The following SPNS3 variants were observed in gnomAD, a reference collection of about 807,000 sequenced individuals.
SPNS3 encodes the protein protein spinster homolog 3.
SPNS3 carries 51 observed loss-of-function variants against 54.4 expected under a neutral mutation model. That is an observed-to-expected ratio of 0.94 (90% CI 0.75 to 1.18). The LOEUF (loss-of-function observed/expected upper bound fraction) is 1.18, where lower values mean the gene tolerates loss of function less well. Ranked by LOEUF, SPNS3 falls within the 50% of genes most tolerant of loss-of-function variation. The pLI, the probability that SPNS3 is intolerant of heterozygous loss-of-function variation, is 0.00. For synonymous variants in SPNS3, 309 were observed against 294.7 expected, an observed-to-expected ratio of 1.05 and a Z score of -0.50; for missense variants, 669 against 677.4, an observed-to-expected ratio of 0.99 and a Z score of 0.14.
At chr17:4,448,120 G>T (rs767976105) in intron 5 of SPNS3, 35 bp from the exon 6 acceptor site, 7 of 1,543,344 alleles carry the variant, frequency 4.5e-6, no homozygotes, top group Non-Finnish European at 6.1e-6. Context: ...GTGATAATAT[G>T]CGGCCCTGAG....
chr17:4,453,443 C>G (rs1971223142), intron 8 of SPNS3, among the ~76,000 whole-genome samples: 1 of 152,126 alleles, frequency 6.6e-6, no homozygotes, highest in Non-Finnish European at 1.5e-5. Flanking sequence ...ATGGTGAAAC[C>G]CTGTCTCTAC....
chr17:4,469,827 A>G (rs1295236055), intron 8 of SPNS3, among the ~76,000 whole-genome samples: 2 of 152,116 alleles, frequency 1.3e-5, no homozygotes. Context: ...GGTGGGACCA[A>G]CAATTCACTG....
intron 2 of SPNS3, among the ~76,000 whole-genome samples, chr17:4,444,253 C>T (rs995618584): frequency 4.6e-5 from 7 of 150,746 alleles, no homozygotes; most frequent in African/African-American, 1.7e-4. Context: ...CTTGCTCTGT[C>T]GCCCAGGCTG....
In SPNS3 at chr17:4,470,984, G is replaced by A. The variant is rs182752728; in HGVS notation, c.1114-7588G>A. Reference sequence around the variant, plus strand: ...TTGTTGCCCAGGCTGGAGTGGGATGGCACGAACTCGGATCACCACAACCTC... The same window carrying A: ...TTGTTGCCCAGGCTGGAGTGGGATGACACGAACTCGGATCACCACAACCTC... On this transcript the variant is annotated intron_variant, in intron 8 of 11. Transcript: ENST00000355530. Among the ~76,000 whole-genome samples the A allele has an allele frequency of 9.3e-4, 141 of 152,238 alleles. 1 individual carries two copies. The highest frequency in any genetic ancestry group is 1.6e-3 in the Non-Finnish European group (110 of 68,012).
At chr17:4,437,527 C>T (rs548020991) in intron 1 of SPNS3, among the ~76,000 whole-genome samples, 27 of 151,714 alleles carry the variant, frequency 1.8e-4, no homozygotes, top group Admixed American at 1.4e-3. Flanking sequence ...ATTAGCCAGG[C>T]GTGATGGCGG....
Position 4,478,640 on chromosome 17 carries a change from A to G in SPNS3, c.1179+3A>G. ...CAGTGGTTGCCGACATCCTGCTGGT[A>G]GGTGTGGGAGTCGGGGTGGTGGGCT... On this transcript the variant is annotated splice_donor_region_variant and intron_variant, in intron 9 of 11. Transcript: ENST00000355530. 1 of 1,584,364 alleles carries G rather than the reference A, an allele frequency of 6.3e-7. No homozygotes were observed. Among genetic ancestry groups the G allele is most frequent in the Non-Finnish European group, 8.6e-7 (1 of 1,165,094 alleles).
At chr17:4,458,572 TCTTTCTTCCTTCCCTC>T (rs1315310809) in intron 8 of SPNS3, among the ~76,000 whole-genome samples, 5,633 of 87,808 alleles carry the variant, frequency 0.064, 347 homozygotes, top group Non-Finnish European at 0.1. Flanking sequence ...TTCCCTCCTT[TCTTTCTTCCTTCCCTC>T]CTTTCTTTCT....
intron 8 of SPNS3, among the ~76,000 whole-genome samples, chr17:4,470,708 T>C (rs903810461): frequency 6.6e-6 from 1 of 152,182 alleles, no homozygotes; most frequent in African/African-American, 2.4e-5. Flanking sequence ...TAGAATCATA[T>C]AATATGTTTA....
In SPNS3 at chr17:4,481,622, G is replaced by A. The variant is rs542115247; in HGVS notation, c.1179+2985G>A. Among the ~76,000 whole-genome samples, 15 of 152,298 alleles carry A rather than the reference G, an allele frequency of 9.8e-5. 1 individual carries two copies. In the South Asian group the frequency reaches 2.9e-3, roughly 29 times the overall value. ...GAGGGCAGAGGGCAGCAGAGCCCAG[G>A]CTCGAGGACTCTGCAGCAGCCCATC... On this transcript the variant is annotated intron_variant, in intron 9 of 11. Transcript: ENST00000355530.
intron 9 of SPNS3, among the ~76,000 whole-genome samples, chr17:4,485,671 C>T (rs1972293691): frequency 6.6e-6 from 1 of 152,220 alleles, no homozygotes; most frequent in Non-Finnish European, 1.5e-5. Context: ...GCTGGGATTA[C>T]AGACGTGAGC....
intron 9 of SPNS3, chr17:4,481,917 T>C (rs1467306778): frequency 1.3e-5 from 2 of 151,638 alleles, no homozygotes; most frequent in South Asian, 2.1e-4. Context: ...TGAGACGGAG[T>C]CTCGCACTGT....
In SPNS3 at chr17:4,483,382, T is replaced by G. The variant is rs1972225021; in HGVS notation, c.1180-2846T>G. 1 of 152,290 alleles carries G rather than the reference T, an allele frequency of 6.6e-6. No homozygotes were observed. The allele number at this position is 152,290 out of a possible 1,614,324, so 9.4% of individuals were successfully genotyped here. ...ATTACCCCCTGGGCTCTCCAGCTTC[T>G]GTGGGCCCAGCCTTGGCTGCTGGCT... On this transcript the variant is annotated intron_variant, in intron 9 of 11. Transcript: ENST00000355530. The surrounding 1 kb of genome is among the most constrained non-coding windows in gnomAD (Gnocchi z 4.2).
intron 8 of SPNS3, among the ~76,000 whole-genome samples, chr17:4,465,510 C>A (rs1236926443): frequency 6.6e-6 from 1 of 151,870 alleles, no homozygotes; most frequent in African/African-American, 2.4e-5. Context: ...GGAGGATTAC[C>A]TGAGATGAGG....
At chr17:4,475,597 C>G (rs1298082443) in intron 8 of SPNS3, among the ~76,000 whole-genome samples, 1 of 152,170 alleles carries the variant, frequency 6.6e-6, no homozygotes. Context: ...TTGCTGGTGA[C>G]CAGTCCGCGC....
intron 8 of SPNS3, among the ~76,000 whole-genome samples, chr17:4,461,541 T>A (rs1013350239): frequency 6.6e-6 from 1 of 151,900 alleles, no homozygotes; most frequent in African/African-American, 2.4e-5. Flanking sequence ...CTGTTGAGAA[T>A]AGACCTGGGG....
At chr17:4,469,486 G>A (rs1397577918) in intron 8 of SPNS3, among the ~76,000 whole-genome samples, 1 of 152,108 alleles carries the variant, frequency 6.6e-6, no homozygotes, top group Non-Finnish European at 1.5e-5. Flanking sequence ...GAGGGTGACG[G>A]TGGGTGCCTG....
intron 7 of SPNS3, among the ~76,000 whole-genome samples, chr17:4,452,690 G>A (rs762138533): frequency 7.2e-5 from 11 of 152,034 alleles, no homozygotes; most frequent in African/African-American, 9.7e-5. Flanking sequence ...TTTGGGGGGT[G>A]AAAGGGTAAG....
chr17:4,485,751 C>A (rs1205797397), intron 9 of SPNS3, among the ~76,000 whole-genome samples: 1 of 152,222 alleles, frequency 6.6e-6, no homozygotes, highest in East Asian at 1.9e-4. Flanking sequence ...GCGGGCTTCT[C>A]CAGCAAGGCC....
rs1971054140 is a variant in SPNS3 at position 4,448,259 on chromosome 17, C to T, written c.726C>T (p.Gly242=). The change falls in exon 6 of 12, where the codon GGC becomes GGT. Residue 242 remains glycine, a synonymous_variant. Transcript: ENST00000355530. ...CACAGGGGGAGGGGGCCGTGGGAGGCTTCAGGAGCAGCTGGTGTGAGGACG... is the reference window on the plus strand; with the variant it reads ...CACAGGGGGAGGGGGCCGTGGGAGGTTTCAGGAGCAGCTGGTGTGAGGACG... The part of the protein sequence containing the change: ...AETQGEGAVG[G]FRSSWCEDVR... 6.3e-7 allele frequency: 1 copy of T among 1,597,490 alleles called. No individual in the cohort carries two copies. Among genetic ancestry groups the T allele is most frequent in the Non-Finnish European group, 8.5e-7 (1 of 1,172,928 alleles).
Sources: gnomAD v4.1 joint callset for allele counts (sites outside exome capture counted in the v4.1 genomes callset) on GRCh38, gnomAD v4.1.1 for gene constraint, Gnocchi (gnomAD v3.1) non-coding constraint, MANE v1.5 for transcripts, NCBI Gene and HGNC (gene_info 2026-07-23, HGNC 2026-07-21) for gene names.